Variants in LRP6 observed in about 807,000 individuals in gnomAD.
LRP6 encodes LDL receptor related protein 6.
Under a neutral mutation model 184.1 loss-of-function variants are expected in LRP6, and 43 were observed. That is an observed-to-expected ratio of 0.23 (90% CI 0.18 to 0.30). The LOEUF (loss-of-function observed/expected upper bound fraction) is 0.30, where lower values mean the gene tolerates loss of function less well. LRP6 is among the 10% of genes least tolerant of loss of function. The pLI is 1.00. For synonymous variants in LRP6, 719 were observed against 684.9 expected (o/e 1.05, Z -0.78); for missense variants, 1,571 against 2,005.3 (o/e 0.78, Z 4.14).
intron 3 of LRP6, among the ~76,000 whole-genome samples, chr12:12,202,608 A>T (rs2137041086): frequency 6.6e-6 from 1 of 152,362 alleles, no homozygotes; most frequent in Non-Finnish European, 1.5e-5. Flanking sequence ...CTTATGCATT[A>T]CTATAGCTGC....
At chr12:12,133,067 A>G (rs1361615972) in intron 17 of LRP6, among the ~76,000 whole-genome samples, 1 of 152,236 alleles carries the variant, frequency 6.6e-6, no homozygotes. Flanking sequence ...ATTATTTAAT[A>G]AGAGCCTATT....
intron 3 of LRP6, among the ~76,000 whole-genome samples, chr12:12,192,590 A>AGAGAGCTG (rs1491514603): frequency 1.3e-5 from 2 of 152,064 alleles, no homozygotes; most frequent in African/African-American, 4.8e-5. Flanking sequence ...AGTAACCATA[A>AGAGAGCTG]GAGAGCTGGA....
chr12:12,204,968 G>T (rs569384796), intron 2 of LRP6, among the ~76,000 whole-genome samples: 1 of 148,044 alleles, frequency 6.8e-6, no homozygotes, highest in African/African-American at 2.5e-5. Context: ...TCTCAAAAAA[G>T]AAAAAAAGAA....
intron 3 of LRP6, among the ~76,000 whole-genome samples, chr12:12,196,535 T>C (rs1177099683): frequency 6.6e-6 from 1 of 152,154 alleles, no homozygotes; most frequent in Admixed American, 6.5e-5. Flanking sequence ...ACTGATCTTT[T>C]TGTGTTGATT....
chr12:12,158,376 A>G (rs1300054303), intron 12 of LRP6, among the ~76,000 whole-genome samples: 1 of 152,104 alleles, frequency 6.6e-6, no homozygotes, highest in East Asian at 1.9e-4. Context: ...CCCAGGCTGG[A>G]ATGCAGTGGT....
chr12:12,219,659 T>C (rs1272511902), intron 2 of LRP6, among the ~76,000 whole-genome samples: 5 of 152,238 alleles, frequency 3.3e-5, no homozygotes. Flanking sequence ...CATGGATATA[T>C]GGCACTGGAG....
chr12:12,217,818 A>G (rs1167390763), intron 2 of LRP6, among the ~76,000 whole-genome samples: 1 of 152,224 alleles, frequency 6.6e-6, no homozygotes, highest in Admixed American at 6.5e-5. Flanking sequence ...GTGCTGGGAT[A>G]ACTGGATATC....
At chr12:12,200,250 A>G (rs973015004) in intron 3 of LRP6, among the ~76,000 whole-genome samples, 13 of 152,196 alleles carry the variant, frequency 8.5e-5, no homozygotes, top group African/African-American at 3.1e-4. Flanking sequence ...TGCAATTTGC[A>G]TAATCCTGGA....
intron 1 of LRP6, among the ~76,000 whole-genome samples, chr12:12,248,189 T>G (rs1355217464): frequency 6.6e-6 from 1 of 152,176 alleles, no homozygotes; most frequent in Non-Finnish European, 1.5e-5. Flanking sequence ...TTACCTCCTC[T>G]CTACAACTTC....
At chr12:12,246,422 G>A (rs1372158475) in intron 1 of LRP6, among the ~76,000 whole-genome samples, 1 of 151,642 alleles carries the variant, frequency 6.6e-6, no homozygotes, top group Non-Finnish European at 1.5e-5. Flanking sequence ...GGCAGCAAAA[G>A]TAAGACCAAG....
intron 1 of LRP6, chr12:12,248,841 T>G: frequency 3.9e-6 from 1 of 255,822 alleles, no homozygotes; most frequent in Non-Finnish European, 7.5e-6. Flanking sequence ...TCCCTACCTA[T>G]ATAGAATGTT....
chr12:12,119,827 T>G lies in LRP6; in HGVS notation c.*1299A>C, dbSNP rs545037698. The G allele has an allele frequency of 6.6e-6, 1 of 151,566 alleles. No individual in the cohort carries two copies. The highest frequency in any genetic ancestry group is 2.4e-5 in the African/African-American group (1 of 41,226). 9.4% of individuals were successfully genotyped at this position (151,566 alleles called of 1,614,324 possible). The stretch of plus-strand genomic sequence containing the variant: ...TTCATGTCACACATTAGAAGAGGTA[T>G]GTATGTAGACATTATTCTGAGAAAA... On this transcript the variant is annotated 3_prime_UTR_variant, in exon 23 of 23. Transcript: ENST00000261349.
At chr12:12,177,250 T>C (rs1400806855) in intron 7 of LRP6, among the ~76,000 whole-genome samples, 1 of 152,106 alleles carries the variant, frequency 6.6e-6, no homozygotes, top group Admixed American at 6.5e-5. Context: ...TTCTCGGGCA[T>C]GACAAAAGCT....
chr12:12,142,544 C>T (rs1591879760), intron 15 of LRP6, among the ~76,000 whole-genome samples: 1 of 150,644 alleles, frequency 6.6e-6, no homozygotes, highest in African/African-American at 2.4e-5. Context: ...TCTGTGAATA[C>T]GTAAGAAAAA....
At chr12:12,153,368 T>C (rs778107854) in intron 12 of LRP6, among the ~76,000 whole-genome samples, 1 of 152,146 alleles carries the variant, frequency 6.6e-6, no homozygotes, top group Non-Finnish European at 1.5e-5. Flanking sequence ...AGTTCCCATA[T>C]TTTCTTGCCT....
chr12:12,123,543 T>C (rs955679194), intron 22 of LRP6, among the ~76,000 whole-genome samples: 24 of 152,286 alleles, frequency 1.6e-4, no homozygotes, highest in Admixed American at 1.2e-3. Context: ...GGATAGAAGA[T>C]AGAAAAGATT....
intron 2 of LRP6, among the ~76,000 whole-genome samples, chr12:12,228,329 A>C (rs1325890357): frequency 1.3e-5 from 2 of 152,180 alleles, no homozygotes; most frequent in Non-Finnish European, 2.9e-5. Context: ...ACACCACTGC[A>C]CAACAGCCTA....
At chr12:12,256,461 T>C (rs893693131) in intron 1 of LRP6, among the ~76,000 whole-genome samples, 3 of 151,794 alleles carry the variant, frequency 2.0e-5, no homozygotes, top group Non-Finnish European at 4.4e-5. Context: ...CAGTGAGCAA[T>C]GATCGCGCCA....
At chr12:12,157,024 T>C (rs1490940695) in intron 12 of LRP6, among the ~76,000 whole-genome samples, 1 of 152,230 alleles carries the variant, frequency 6.6e-6, no homozygotes, top group African/African-American at 2.4e-5. Flanking sequence ...TGGCGAGAGC[T>C]GGGCAGAGTT....
Sources: allele counts gnomAD v4.1 joint callset (sites outside exome capture counted in the v4.1 genomes callset), GRCh38; gene constraint gnomAD v4.1.1; transcripts MANE v1.5; gene names NCBI Gene and HGNC (gene_info 2026-07-23, HGNC 2026-07-21).